The following MICALL2 variants were observed in gnomAD, a reference collection of about 807,000 sequenced individuals.
MICALL2 encodes MICAL like 2, also known as MICAL-like protein 2.
A neutral mutation model predicts 91.1 loss-of-function variants in MICALL2; 111 were observed. The observed-to-expected ratio is 1.22, with a 90% CI of 1.04 to 1.43. MICALL2 has a LOEUF of 1.43. Among genes scored for constraint, MICALL2 ranks in the 40% most tolerant of loss-of-function variants. MICALL2 has a pLI of 0.00. For missense variants in MICALL2, 1,556 were observed against 1,236.0 expected, an observed-to-expected ratio of 1.26 and a Z score of -3.88; for synonymous variants, 694 against 525.3, an observed-to-expected ratio of 1.32 and a Z score of -4.39.
intron 10 of MICALL2, 151 bp downstream of exon 10, chr7:1,438,689 C>T: frequency 6.8e-7 from 1 of 1,466,770 alleles, no homozygotes; most frequent in Non-Finnish European, 9.0e-7. Context: ...TGAGGGCGGG[C>T]CTGGGGCACG....
In MICALL2 at chr7:1,445,130, C is replaced by T. The variant is rs142276007; in HGVS notation, c.940G>A (p.Val314Ile). The change falls in exon 6 of 17, where the codon GTC (valine) becomes ATC (isoleucine). Residue 314 changes from valine (V) to isoleucine (I), a missense_variant. Coordinates refer to ENST00000297508, the MANE Select transcript of MICALL2 (RefSeq NM_182924.4). ...GGCCTGGCTGGGCTCCTCACGTGGACGGACGTGGCGCTGGTGGCTGCAGGG... is the reference window on the plus strand; with the variant it reads ...GGCCTGGCTGGGCTCCTCACGTGGATGGACGTGGCGCTGGTGGCTGCAGGG... The part of the protein sequence containing the change: ...PNPAATSATS[V>I]HVRSPARPSE... 57 of 1,561,414 alleles carry T rather than the reference C, an allele frequency of 3.7e-5. No individual in the cohort carries two copies. Among genetic ancestry groups the T allele is most frequent in the South Asian group, 2.6e-4 (22 of 85,322 alleles).
chr7:1,439,371 C>A lies in MICALL2; in HGVS notation c.1967-376G>T, dbSNP rs2128519885. On this transcript the variant is annotated intron_variant, in intron 9 of 16. Coordinates refer to ENST00000297508, the MANE Select transcript of MICALL2 (RefSeq NM_182924.4). ...ATGCATCACATTCATGAAACAGATC[C>A]ACACATGGGTACATGCACCACATAC... 2.9e-5 allele frequency: 7 copies of A among 237,474 alleles called. No individual in the cohort carries two copies. In the South Asian group the frequency reaches 3.8e-4, roughly 13 times the overall value. 14.7% of individuals were successfully genotyped at this position (237,474 alleles called of 1,614,324 possible). A position where few individuals can be genotyped will look rare whatever the true frequency, so the allele number is the denominator to read the frequency against.
rs1308482896 is a variant in MICALL2 at position 1,439,958 on chromosome 7, G to T, written c.1933C>A (p.Pro645Thr). Residue 645 changes from proline to threonine, a missense_variant, in exon 9 of 17, where the codon CCA becomes ACA. By Grantham distance (38) the Pro-to-Thr change is conservative. Transcript: ENST00000297508. The part of the protein sequence containing the change: ...TLTPVRPDRT[P>T]RPASPGPSLP... ...CTGGGTCCTGGGCTGGCTGGGCGTG[G>T]GGTCCTGTCAGGCCTCACGGGGGTC... The T allele has an allele frequency of 4.0e-6, 6 of 1,501,904 alleles. No individual in the cohort carries two copies. In the South Asian group the frequency reaches 6.8e-5, roughly 17 times the overall value. The allele number at this position is 1,501,904 out of a possible 1,614,324, so 93.0% of individuals were successfully genotyped here.
intron 5 of MICALL2, 37 bp from the exon 6 acceptor site, chr7:1,445,465 C>A: frequency 6.9e-7 from 1 of 1,449,292 alleles, no homozygotes; most frequent in Non-Finnish European, 9.1e-7. Flanking sequence ...CAGCTCGGCA[C>A]CGCCCACCCC....
intron 13 of MICALL2, 71 bp from the exon 14 acceptor site, chr7:1,437,679 A>G (rs911298692): frequency 3.4e-5 from 50 of 1,467,360 alleles, no homozygotes; most frequent in African/African-American, 1.7e-4. Flanking sequence ...CCAGCCCGCA[A>G]CGAGGTCCTG....
Position 1,451,020 on chromosome 7 carries a change from G to A in MICALL2, c.144-732C>T, listed in dbSNP as rs904524742. ...CGGGGAGACAGCTGCCAAGCCCACT[G>A]AGGTTACATGGTTCTCTCTTTGGGT... is the stretch of plus-strand genomic sequence containing the variant. On this transcript the variant is annotated intron_variant, in intron 1 of 16. Transcript: ENST00000297508. This position sits in a 1 kb window ranked among gnomAD's most constrained non-coding sequence, Gnocchi z 4.5. 7.9e-5 allele frequency among the ~76,000 whole-genome samples: 12 copies of A among 152,322 alleles called. No homozygotes were observed. Among genetic ancestry groups the A allele is most frequent in the Admixed American group, 4.6e-4 (7 of 15,302 alleles).
chr7:1,434,994 C>A (rs1257985156), intron 16 of MICALL2, 107 bp downstream of exon 16: 3 of 486,924 alleles, frequency 6.2e-6, no homozygotes, highest in Non-Finnish European at 1.1e-5. Context: ...CGCCCCCCCC[C>A]CACCCCCAGC....
rs1293043143 is a variant in MICALL2 at position 1,438,196 on chromosome 7, C to T, written c.2212G>A (p.Glu738Lys). 8.9e-6 allele frequency: 14 copies of T among 1,580,966 alleles called. No individual in the cohort carries two copies. Among genetic ancestry groups the T allele is most frequent in the Non-Finnish European group, 1.1e-5 (13 of 1,163,512 alleles). Reference protein sequence around the residue: ...VRLHPDYLSPEEIQRQLQDIE... With the variant: ...VRLHPDYLSPKEIQRQLQDIE... ...TCCTGCAGCTGCCTCTGTATCTCCT[C>T]CGGGGAGAGGTAGTCGGGGTGCAGC... Residue 738 changes from glutamate (E) to lysine (K), a missense_variant, in exon 12 of 17, where the codon GAG (glutamate) becomes AAG (lysine). Coordinates refer to ENST00000297508, the MANE Select transcript of MICALL2 (RefSeq NM_182924.4).
chr7:1,444,599 C>T, intron 6 of MICALL2, 53 bp downstream of exon 6: 11 of 1,550,512 alleles, frequency 7.1e-6, no homozygotes, highest in South Asian at 1.2e-5. Context: ...CGGGGCCCCG[C>T]TGGCTGGTGC....
At chr7:1,447,859 G>A in intron 3 of MICALL2, 94 bp from the exon 4 acceptor site, 2 of 1,007,092 alleles carry the variant, frequency 2.0e-6, no homozygotes, top group South Asian at 2.1e-5. Context: ...ACAGGCCTTG[G>A]TGCCCGGGGG....
At chr7:1,438,654 C>T in intron 10 of MICALL2, 186 bp downstream of exon 10, 1 of 1,424,552 alleles carries the variant, frequency 7.0e-7, no homozygotes, top group Non-Finnish European at 9.2e-7. Flanking sequence ...ACAAGGTACT[C>T]TGAAACAGCT....
chr7:1,454,335 G>A (rs1299211782), intron 1 of MICALL2, among the ~76,000 whole-genome samples: 1 of 152,118 alleles, frequency 6.6e-6, no homozygotes. Flanking sequence ...GGAGATGGTG[G>A]AGGGAGGCCC....
chr7:1,443,089 C>G (rs1306848712), intron 6 of MICALL2, among the ~76,000 whole-genome samples: 1 of 135,198 alleles, frequency 7.4e-6, no homozygotes, highest in East Asian at 2.7e-4. Flanking sequence ...TGTCCCCACC[C>G]CCCTCGACAA....
intron 16 of MICALL2, 79 bp downstream of exon 16, chr7:1,435,022 C>T (rs1444057838): frequency 2.2e-6 from 3 of 1,381,844 alleles, no homozygotes; most frequent in East Asian, 2.5e-5. Context: ...CCGGTCCACC[C>T]AGCCAGCCAG....
intron 2 of MICALL2, 109 bp downstream of exon 2, chr7:1,450,131 C>G: frequency 1.2e-6 from 1 of 827,520 alleles, no homozygotes; most frequent in Non-Finnish European, 2.0e-6. Flanking sequence ...CCAGGCAGGA[C>G]TCCCAAGGCA....
At chr7:1,444,360 A>G (rs1291310798) in intron 6 of MICALL2, among the ~76,000 whole-genome samples, 1 of 152,128 alleles carries the variant, frequency 6.6e-6, no homozygotes, top group Middle Eastern at 3.2e-3. Context: ...GTTCCAAGGG[A>G]GTGCAGCACA....
chr7:1,438,767 G>A (rs1440696932), intron 10 of MICALL2, 73 bp downstream of exon 10: 10 of 1,527,940 alleles, frequency 6.5e-6, no homozygotes, highest in Non-Finnish European at 8.8e-6. Context: ...CAAAGCCCCA[G>A]CAGGCATTGC....
chr7:1,447,367 G>A (rs1780645542), intron 4 of MICALL2, among the ~76,000 whole-genome samples: 1 of 151,968 alleles, frequency 6.6e-6, no homozygotes. Context: ...TCTCCCATCT[G>A]TACAAAGTGG....
chr7:1,437,363 G>C (rs896453794), intron 14 of MICALL2, 172 bp downstream of exon 14: 3 of 617,116 alleles, frequency 4.9e-6, no homozygotes, highest in Admixed American at 6.5e-5. Context: ...CCTTGGCTGA[G>C]GACACACAGC....
Sources: gnomAD v4.1 joint callset for allele counts (sites outside exome capture counted in the v4.1 genomes callset) on GRCh38, gnomAD v4.1.1 for gene constraint, Gnocchi (gnomAD v3.1) non-coding constraint, MANE v1.5 for transcripts, NCBI Gene and HGNC (gene_info 2026-07-23, HGNC 2026-07-21) for gene names.